Variants in CDH2 observed in about 807,000 individuals in gnomAD.
CDH2 encodes cadherin 2, also known as cadherin-2.
In CDH2, 17 loss-of-function variants were observed where a neutral mutation model predicts 92.0. The ratio of observed to expected loss-of-function variants is 0.18; its 90% CI spans 0.13 to 0.28. The LOEUF is 0.28. Ranked by LOEUF, CDH2 falls within the 10% of genes least tolerant of loss-of-function variation. The pLI is 1.00. For missense variants in CDH2, 862 were observed against 1,133.1 expected, an observed-to-expected ratio of 0.76 and a Z score of 3.44; for synonymous variants, 419 against 415.9, an observed-to-expected ratio of 1.01 and a Z score of -0.09.
intron 14 of CDH2, among the ~76,000 whole-genome samples, chr18:27,978,975 C>T (rs1164835102): frequency 6.6e-6 from 1 of 151,620 alleles, no homozygotes; most frequent in Non-Finnish European, 1.5e-5. Flanking sequence ...TAAATAGAAA[C>T]ATGAGCACTA....
intron 1 of CDH2, among the ~76,000 whole-genome samples, chr18:28,165,820 A>G (rs1382922695): frequency 6.6e-6 from 1 of 151,932 alleles, no homozygotes; most frequent in Non-Finnish European, 1.5e-5. Flanking sequence ...AAGAAAGAAA[A>G]AGATTTAGAA....
intron 14 of CDH2, among the ~76,000 whole-genome samples, chr18:27,977,685 A>T (rs1055069460): frequency 6.6e-6 from 1 of 152,112 alleles, no homozygotes; most frequent in African/African-American, 2.4e-5. Flanking sequence ...ACTTAAACTG[A>T]TCTCTGAGAT....
chr18:28,027,733 T>TA lies in CDH2; in HGVS notation c.173-13825dup, dbSNP rs1347452196. Among the ~76,000 whole-genome samples the TA allele has an allele frequency of 3.3e-5, 5 of 152,130 alleles. No individual in the cohort carries two copies. In the East Asian group the frequency reaches 9.6e-4, roughly 29 times the overall value. Reference sequence around the variant, plus strand: ...TTTAAGCTGTTCTTCACTTCATTGATATTCTTCCTCCAGGCATCTCTATGC... The same window carrying TA: ...TTTAAGCTGTTCTTCACTTCATTGATAATTCTTCCTCCAGGCATCTCTATGC... On this transcript the variant is annotated intron_variant, in intron 2 of 15. Coordinates refer to ENST00000269141, the MANE Select transcript of CDH2 (RefSeq NM_001792.5).
At chr18:28,167,321 C>T (rs531030256) in intron 1 of CDH2, among the ~76,000 whole-genome samples, 1 of 152,074 alleles carries the variant, frequency 6.6e-6, no homozygotes, top group Admixed American at 6.6e-5. Context: ...AGAAAACCCA[C>T]AAAAGGTATT....
At chr18:27,964,912 G>A (rs1242323092) in intron 14 of CDH2, among the ~76,000 whole-genome samples, 1 of 152,124 alleles carries the variant, frequency 6.6e-6, no homozygotes, top group African/African-American at 2.4e-5. Context: ...CTAGATAAAC[G>A]AGCTTGAGCT....
intron 7 of CDH2, among the ~76,000 whole-genome samples, chr18:27,996,006 C>T (rs898316633): frequency 1.6e-4 from 24 of 152,190 alleles, no homozygotes; most frequent in Admixed American, 5.2e-4. Context: ...GTTAAGTGTT[C>T]GACTTCCCAC....
downstream of CDH2, among the ~76,000 whole-genome samples, chr18:27,949,289 CATTT>C (rs1301830337): frequency 1.3e-5 from 2 of 151,958 alleles, no homozygotes; most frequent in African/African-American, 4.8e-5. Context: ...CATGCTAAAA[CATTT>C]ATTATTTCAG....
At chr18:28,016,674 G>T (rs575083968) in intron 2 of CDH2, among the ~76,000 whole-genome samples, 1 of 151,906 alleles carries the variant, frequency 6.6e-6, no homozygotes, top group African/African-American at 2.4e-5. Flanking sequence ...GATTTCCAGC[G>T]GTTTACTCCC....
intron 1 of CDH2, among the ~76,000 whole-genome samples, chr18:28,149,245 C>G (rs1478566505): frequency 6.6e-6 from 1 of 152,134 alleles, no homozygotes; most frequent in Non-Finnish European, 1.5e-5. Context: ...TCCACTGAAA[C>G]ATGACTGTAA....
intron 2 of CDH2, among the ~76,000 whole-genome samples, chr18:28,090,829 T>C (rs2015023307): frequency 6.6e-6 from 1 of 152,202 alleles, no homozygotes. Flanking sequence ...TAATACAACA[T>C]GTATCTTACT....
intron 2 of CDH2, among the ~76,000 whole-genome samples, chr18:28,027,641 T>G (rs893881435): frequency 8.5e-5 from 13 of 152,292 alleles, no homozygotes; most frequent in Admixed American, 8.5e-4. Flanking sequence ...TTTTATATAT[T>G]AAACTACTGG....
chr18:28,050,003 G>C (rs969438925), intron 2 of CDH2, among the ~76,000 whole-genome samples: 1 of 152,086 alleles, frequency 6.6e-6, no homozygotes, highest in African/African-American at 2.4e-5. Flanking sequence ...CCATGCAAAA[G>C]AACATGTTCT....
At chr18:28,005,226 C>A (rs1451216463) in intron 6 of CDH2, among the ~76,000 whole-genome samples, 1 of 152,126 alleles carries the variant, frequency 6.6e-6, no homozygotes. Context: ...TACCACTTTA[C>A]AATCATGAGT....
intron 15 of CDH2, among the ~76,000 whole-genome samples, chr18:27,961,227 T>C (rs1257119097): frequency 6.6e-6 from 1 of 151,496 alleles, no homozygotes; most frequent in African/African-American, 2.4e-5. Flanking sequence ...GGGTGCATAC[T>C]TGAATGCCTG....
intron 2 of CDH2, among the ~76,000 whole-genome samples, chr18:28,122,538 C>T (rs552667253): frequency 2.5e-4 from 38 of 152,114 alleles, no homozygotes; most frequent in Admixed American, 5.9e-4. Context: ...AATTATTGGA[C>T]TCCATGGTAA....
intron 6 of CDH2, among the ~76,000 whole-genome samples, chr18:27,934,031 C>A (rs142428589): frequency 4.2e-4 from 64 of 152,314 alleles, no homozygotes; most frequent in Middle Eastern, 3.4e-3. Context: ...TTTTCTCTCA[C>A]AACTGTGAAA....
intron 2 of CDH2, among the ~76,000 whole-genome samples, chr18:28,080,825 T>C (rs1458834030): frequency 6.6e-6 from 1 of 152,146 alleles, no homozygotes; most frequent in African/African-American, 2.4e-5. Context: ...GAAAAATATT[T>C]AACAAAATTG....
intron 2 of CDH2, among the ~76,000 whole-genome samples, chr18:28,133,246 G>C (rs1327571009): frequency 6.6e-6 from 1 of 151,998 alleles, no homozygotes. Flanking sequence ...TGTAACACAG[G>C]ATTACCACTT....
At chr18:28,083,173 A>G (rs1170850203) in intron 2 of CDH2, among the ~76,000 whole-genome samples, 1 of 152,122 alleles carries the variant, frequency 6.6e-6, no homozygotes, top group Non-Finnish European at 1.5e-5. Context: ...ACTAAAGATA[A>G]TACCCCCCAA....
Sources: gnomAD v4.1 joint callset for allele counts (sites outside exome capture counted in the v4.1 genomes callset) on GRCh38, gnomAD v4.1.1 for gene constraint, MANE v1.5 for transcripts, NCBI Gene and HGNC (gene_info 2026-07-23, HGNC 2026-07-21) for gene names.